OR4N2: variants seen among roughly 807,000 people sequenced by gnomAD.
OR4N2 encodes the protein olfactory receptor family 4 subfamily N member 2.
For missense variants in OR4N2, 307 were observed against 377.6 expected, an observed-to-expected ratio of 0.81 and a Z score of 1.55; for synonymous variants, 141 against 140.4, an observed-to-expected ratio of 1.00 and a Z score of -0.03.
intron 1 of OR4N2, among the ~76,000 whole-genome samples, chr14:19,812,643 C>T (rs1325058553): frequency 6.6e-6 from 1 of 152,198 alleles, no homozygotes; most frequent in Non-Finnish European, 1.5e-5. Context: ...CAGGCGTGAG[C>T]CACCGTGCCC....
At chr14:19,818,639 T>C (rs1427412322) in intron 1 of OR4N2, among the ~76,000 whole-genome samples, 1 of 152,220 alleles carries the variant, frequency 6.6e-6, no homozygotes, top group Non-Finnish European at 1.5e-5. Flanking sequence ...TCTATCCAAT[T>C]TACCAGTCTG....
At position 19,819,353 on chromosome 14, in the gene OR4N2, G is replaced by A. The variant is rs970183007; in HGVS notation, c.-9-8087G>A. Among the ~76,000 whole-genome samples, 12 of 152,154 alleles carry A rather than the reference G, an allele frequency of 7.9e-5. 1 individual carries two copies. Among genetic ancestry groups the A allele is most frequent in the African/African-American group, 2.9e-4 (12 of 41,432 alleles). On this transcript the variant is annotated intron_variant, in intron 1 of 1. Transcript: ENST00000557677. ...AACGTAGGTTTGGTCTTTTCACATA[G>A]TCCCATATTTCTTGGAGGATTTGTT... is the stretch of plus-strand genomic sequence containing the variant.
rs374714836 is a variant in OR4N2, at chr14:19,827,733, A to G, written c.285A>G (p.Arg95=). The G allele has an allele frequency of 1.2e-6, 2 of 1,614,136 alleles. No individual in the cohort carries two copies. Among genetic ancestry groups the G allele is most frequent in the Admixed American group, 3.3e-5 (2 of 60,014 alleles). ...FLSAKKIISY[R]GCITQLFFLH... The stretch of plus-strand genomic sequence containing the variant: ...CTGCGAAGAAGATAATCTCCTACAG[A>G]GGCTGCATCACTCAGCTCTTTTTCT... The change falls in exon 2 of 2, where the codon AGA becomes AGG. Residue 95 remains arginine (R), a synonymous_variant. Transcript: ENST00000557677.
intron 1 of OR4N2, among the ~76,000 whole-genome samples, chr14:19,804,349 AC>A (rs1206059238): frequency 6.6e-6 from 1 of 150,918 alleles, no homozygotes; most frequent in Non-Finnish European, 1.5e-5. Context: ...AGTGATATAA[AC>A]TTACCTCTTA....
intron 1 of OR4N2, among the ~76,000 whole-genome samples, chr14:19,817,856 T>G (rs1276899358): frequency 2.0e-5 from 3 of 152,274 alleles, no homozygotes; most frequent in Admixed American, 2.0e-4. Flanking sequence ...AACACTGCAT[T>G]AGCTGTGTCC....
intron 1 of OR4N2, among the ~76,000 whole-genome samples, chr14:19,815,656 T>G (rs1309770778): frequency 4.7e-4 from 13 of 27,494 alleles, no homozygotes; most frequent in Non-Finnish European, 1.1e-3. Context: ...TTTTTTTTTG[T>G]TTTTTTTTTT....
At chr14:19,816,303 T>C (rs1447098753) in intron 1 of OR4N2, among the ~76,000 whole-genome samples, 3 of 152,274 alleles carry the variant, frequency 2.0e-5, no homozygotes, top group Non-Finnish European at 4.4e-5. Context: ...ATGGCCATTT[T>C]CATGATATTG....
chr14:19,811,342 G>A (rs1879290504), intron 1 of OR4N2, among the ~76,000 whole-genome samples: 1 of 152,216 alleles, frequency 6.6e-6, no homozygotes, highest in South Asian at 2.1e-4. Flanking sequence ...TGCCTCCTGG[G>A]TTAATGCCAT....
intron 1 of OR4N2, among the ~76,000 whole-genome samples, chr14:19,815,664 T>G (rs1301664037): frequency 4.0e-5 from 6 of 151,480 alleles, no homozygotes; most frequent in East Asian, 1.9e-4. Flanking sequence ...TGTTTTTTTT[T>G]TTTTTGTTTT....
chr14:19,807,068 T>G (rs1309899241), intron 1 of OR4N2, among the ~76,000 whole-genome samples: 11 of 149,444 alleles, frequency 7.4e-5, no homozygotes, highest in African/African-American at 2.4e-4. Flanking sequence ...GAAATAAATA[T>G]TTTTTAAATA....
chr14:19,815,048 C>A (rs2138469282), intron 1 of OR4N2, among the ~76,000 whole-genome samples: 1 of 152,352 alleles, frequency 6.6e-6, no homozygotes, highest in East Asian at 1.9e-4. Flanking sequence ...ATATGTGACC[C>A]ATTTTCTTTA....
chr14:19,804,313 C>A (rs1433621873), intron 1 of OR4N2, among the ~76,000 whole-genome samples: 1 of 152,012 alleles, frequency 6.6e-6, no homozygotes, highest in Non-Finnish European at 1.5e-5. Context: ...GAAATCTTTC[C>A]AATCTTCTGA....
At chr14:19,818,431 T>C (rs1286391497) in intron 1 of OR4N2, among the ~76,000 whole-genome samples, 3 of 152,226 alleles carry the variant, frequency 2.0e-5, no homozygotes, top group South Asian at 4.1e-4. Context: ...TTTACCATTA[T>C]GTAATGCCCT....
At chr14:19,817,022 T>C (rs1486522034) in intron 1 of OR4N2, among the ~76,000 whole-genome samples, 2 of 152,280 alleles carry the variant, frequency 1.3e-5, no homozygotes, top group Admixed American at 1.3e-4. Context: ...GAACCAGCCT[T>C]GCATCCCAGG....
At chr14:19,809,926 CA>C (rs1307525416) in intron 1 of OR4N2, among the ~76,000 whole-genome samples, 2 of 152,178 alleles carry the variant, frequency 1.3e-5, no homozygotes, top group Non-Finnish European at 2.9e-5. Flanking sequence ...ATTCCATTCT[CA>C]AATAGGCCCT....
At chr14:19,821,308 A>G (rs566791116) in intron 1 of OR4N2, among the ~76,000 whole-genome samples, 1 of 152,348 alleles carries the variant, frequency 6.6e-6, no homozygotes, top group East Asian at 1.9e-4. Flanking sequence ...TCAGTTGGAA[A>G]TGCAGAAATC....
At chr14:19,815,147 T>C (rs1472115101) in intron 1 of OR4N2, among the ~76,000 whole-genome samples, 1 of 152,270 alleles carries the variant, frequency 6.6e-6, no homozygotes, top group Non-Finnish European at 1.5e-5. Context: ...TGCATGTGTC[T>C]TTATAGTAGA....
chr14:19,822,915 A>T (rs1879601645), intron 1 of OR4N2, among the ~76,000 whole-genome samples: 2 of 152,378 alleles, frequency 1.3e-5, no homozygotes, highest in African/African-American at 4.8e-5. Context: ...TGCTCATTCA[A>T]GGCATGAGAG....
chr14:19,826,902 A>C (rs1301796461), intron 1 of OR4N2, among the ~76,000 whole-genome samples: 2 of 152,252 alleles, frequency 1.3e-5, no homozygotes, highest in Admixed American at 6.5e-5. Flanking sequence ...GAGTATAATA[A>C]GAAGTAAATT....
Sources: allele counts gnomAD v4.1 joint callset (sites outside exome capture counted in the v4.1 genomes callset), GRCh38; gene constraint gnomAD v4.1.1; transcripts MANE v1.5; gene names NCBI Gene and HGNC (gene_info 2026-07-23, HGNC 2026-07-21).